CAMTA1: variants seen among roughly 807,000 people sequenced by gnomAD.
The protein encoded by CAMTA1 is calmodulin-binding transcription activator 1.
CAMTA1 carries 27 observed loss-of-function variants against 170.9 expected under a neutral mutation model. The ratio of observed to expected loss-of-function variants is 0.16; its 90% CI spans 0.12 to 0.22. The LOEUF is 0.22. Among genes scored for constraint, CAMTA1 ranks in the 10% least tolerant of loss-of-function variants. CAMTA1 has a pLI of 1.00. For missense variants in CAMTA1, 1,619 were observed against 2,217.2 expected (o/e 0.73, Z 5.42); for synonymous variants, 833 against 891.5 (o/e 0.93, Z 1.17).
intron 6 of CAMTA1, among the ~76,000 whole-genome samples, chr1:7,574,975 G>A (rs980735139): frequency 1.3e-5 from 2 of 152,214 alleles, no homozygotes; most frequent in Admixed American, 6.5e-5. Flanking sequence ...AGTGGCAGCC[G>A]CATGTTGAGC....
chr1:7,385,447 A>T (rs2087842332), intron 5 of CAMTA1, among the ~76,000 whole-genome samples: 1 of 152,176 alleles, frequency 6.6e-6, no homozygotes, highest in Admixed American at 6.5e-5. Context: ...TTGCTGTTTG[A>T]ATAGCGTCTC....
intron 5 of CAMTA1, among the ~76,000 whole-genome samples, chr1:7,307,806 A>G (rs72641292): frequency 6.6e-6 from 1 of 151,860 alleles, no homozygotes; most frequent in Non-Finnish European, 1.5e-5. Flanking sequence ...ATATTGGTTT[A>G]TAGTTTTCTT....
At chr1:7,430,797 A>G (rs1265308129) in intron 5 of CAMTA1, among the ~76,000 whole-genome samples, 1 of 152,138 alleles carries the variant, frequency 6.6e-6, no homozygotes, top group African/African-American at 2.4e-5. Flanking sequence ...ACCAAGTAAA[A>G]TCTTTGCTAA....
intron 6 of CAMTA1, 38 bp downstream of exon 6, chr1:7,467,939 T>A (rs1234369241): frequency 2.6e-6 from 4 of 1,555,302 alleles, no homozygotes; most frequent in Non-Finnish European, 3.6e-6. Context: ...CTGTCTCTGG[T>A]GCTCGGGAAG....
At chr1:7,198,872 C>CG (rs1553270823) in intron 4 of CAMTA1, among the ~76,000 whole-genome samples, 3 of 152,102 alleles carry the variant, frequency 2.0e-5, no homozygotes, top group Non-Finnish European at 2.9e-5. Context: ...CAGGGAGCCC[C>CG]GCGGGCAACG....
At chr1:7,587,014 C>A (rs545240479) in intron 6 of CAMTA1, among the ~76,000 whole-genome samples, 3 of 152,068 alleles carry the variant, frequency 2.0e-5, no homozygotes, top group African/African-American at 7.2e-5. Flanking sequence ...CCACCCCCGC[C>A]CCCATGACCA....
At chr1:7,023,078 G>A (rs1234860650) in intron 3 of CAMTA1, among the ~76,000 whole-genome samples, 1 of 152,118 alleles carries the variant, frequency 6.6e-6, no homozygotes, top group Non-Finnish European at 1.5e-5. Flanking sequence ...TCAAAAAATA[G>A]AAAAATTCTT....
intron 3 of CAMTA1, among the ~76,000 whole-genome samples, chr1:6,926,886 A>G (rs1229270073): frequency 6.6e-6 from 1 of 151,912 alleles, no homozygotes; most frequent in East Asian, 1.9e-4. Context: ...ACCTGCCACC[A>G]TGCCCAGCTA....
chr1:7,496,026 A>G (rs1292778105), intron 6 of CAMTA1, among the ~76,000 whole-genome samples: 1 of 151,852 alleles, frequency 6.6e-6, no homozygotes, highest in Non-Finnish European at 1.5e-5. Flanking sequence ...TCCTCTCTCT[A>G]TCCTGGCCCA....
At chr1:6,868,279 A>C (rs1241071048) in intron 3 of CAMTA1, among the ~76,000 whole-genome samples, 1 of 148,060 alleles carries the variant, frequency 6.8e-6, no homozygotes, top group African/African-American at 2.5e-5. Context: ...ACTGCACTCT[A>C]GCCTGGGTGA....
intron 3 of CAMTA1, among the ~76,000 whole-genome samples, chr1:7,069,661 G>T (rs1186346940): frequency 6.6e-6 from 1 of 152,044 alleles, no homozygotes; most frequent in Non-Finnish European, 1.5e-5. Context: ...AGAGAGCCTG[G>T]ACAGCAGGCT....
At chr1:7,629,986 C>T (rs74696077) in intron 6 of CAMTA1, among the ~76,000 whole-genome samples, 4,818 of 152,298 alleles carry the variant, frequency 0.032, 260 homozygotes, top group African/African-American at 0.11. Flanking sequence ...GCTCCCATAC[C>T]CTCTGACACT....
chr1:6,870,643 AGAAT>A, intron 3 of CAMTA1, among the ~76,000 whole-genome samples: 1 of 152,226 alleles, frequency 6.6e-6, no homozygotes, highest in African/African-American at 2.4e-5. Context: ...CTGAAGTAGG[AGAAT>A]GTAAGAAGAA....
At chr1:7,188,370 A>G (rs1470863698) in intron 4 of CAMTA1, among the ~76,000 whole-genome samples, 1 of 152,208 alleles carries the variant, frequency 6.6e-6, no homozygotes, top group Non-Finnish European at 1.5e-5. Context: ...CAGTGACATT[A>G]AGTATGCTCA....
chr1:7,437,407 G>T (rs7529341), intron 5 of CAMTA1, among the ~76,000 whole-genome samples: 9,674 of 152,176 alleles, frequency 0.064, 843 homozygotes, highest in African/African-American at 0.2. Context: ...GGTGTCCCTG[G>T]GCTGGGAGAA....
chr1:6,886,271 T>A, intron 3 of CAMTA1: 1 of 456,082 alleles, frequency 2.2e-6, no homozygotes, highest in Admixed American at 2.3e-5. Flanking sequence ...AAAGCAAATG[T>A]GCAAAGAGCA....
At chr1:7,376,573 T>C (rs1396860662) in intron 5 of CAMTA1, among the ~76,000 whole-genome samples, 1 of 152,164 alleles carries the variant, frequency 6.6e-6, no homozygotes, top group Non-Finnish European at 1.5e-5. Flanking sequence ...AAGGGGTCAG[T>C]ATTAGCTGGG....
intron 4 of CAMTA1, among the ~76,000 whole-genome samples, chr1:7,191,237 C>G (rs1204768834): frequency 6.6e-6 from 1 of 152,122 alleles, no homozygotes; most frequent in African/African-American, 2.4e-5. Context: ...GGTAGGACAC[C>G]CCATAGCTTT....
chr1:6,946,801 A>G lies in CAMTA1; in HGVS notation c.234+121591A>G, dbSNP rs1410863075. ...TCCTTCACCGTGTCCTTTGAAGCAC[A>G]AAAGTTTTACATTTTGATGATGTTC... is the stretch of plus-strand genomic sequence containing the variant. On this transcript the variant is annotated intron_variant, in intron 3 of 22. Transcript: ENST00000303635. 2.0e-5 allele frequency among the ~76,000 whole-genome samples: 3 copies of G among 150,912 alleles called. No homozygotes were observed. In the South Asian group the frequency reaches 6.3e-4, roughly 32 times the overall value.
Sources: allele counts gnomAD v4.1 joint callset (sites outside exome capture counted in the v4.1 genomes callset), GRCh38; gene constraint gnomAD v4.1.1; transcripts MANE v1.5; gene names NCBI Gene and HGNC (gene_info 2026-07-23, HGNC 2026-07-21).